The following FSTL4 variants were observed in gnomAD, a reference collection of about 807,000 sequenced individuals.
FSTL4 encodes the protein follistatin like 4.
FSTL4 carries 28 observed loss-of-function variants against 78.2 expected under a neutral mutation model. The ratio of observed to expected loss-of-function variants is 0.36; its 90% CI spans 0.27 to 0.49. FSTL4 has a LOEUF of 0.49. Ranked by LOEUF, FSTL4 falls within the 20% of genes least tolerant of loss-of-function variation. The pLI is 0.98. For synonymous variants in FSTL4, 422 were observed against 440.5 expected (o/e 0.96, Z 0.53); for missense variants, 922 against 1,084.9 (o/e 0.85, Z 2.11).
the FSTL4 span, among the ~76,000 whole-genome samples, chr5:133,748,155 C>T: frequency 6.6e-6 from 1 of 151,546 alleles, no homozygotes; most frequent in African/African-American, 2.4e-5. Flanking sequence ...GATCATGCCA[C>T]TGCACTCCAG....
At chr5:133,693,403 A>T in the FSTL4 span, among the ~76,000 whole-genome samples, 3 of 152,164 alleles carry the variant, frequency 2.0e-5, no homozygotes, top group African/African-American at 7.2e-5. Context: ...AATTTTTTGC[A>T]TCCTCCCAAA....
At chr5:133,757,203 T>C in the FSTL4 span, among the ~76,000 whole-genome samples, 1 of 152,240 alleles carries the variant, frequency 6.6e-6, no homozygotes, top group African/African-American at 2.4e-5. Context: ...TATTTTCTAG[T>C]AACCACATTA....
At chr5:133,659,526 G>C in the FSTL4 span, among the ~76,000 whole-genome samples, 3 of 151,534 alleles carry the variant, frequency 2.0e-5, no homozygotes, top group Non-Finnish European at 4.4e-5. Flanking sequence ...TTCACTTAGA[G>C]AGTCATTATA....
rs910549146 is a variant in FSTL4 at position 133,338,949 on chromosome 5, C to T, written c.410-22297G>A. ...CACCCCCGGATGACCACTATGCCTC[C>T]GATCATGTCCCCACCAATCCTCCCC... On this transcript the variant is annotated intron_variant, in intron 4 of 15. Transcript: ENST00000265342. This position sits in a 1 kb window ranked among gnomAD's most constrained non-coding sequence, Gnocchi z 4.0. 1.2e-4 allele frequency among the ~76,000 whole-genome samples: 19 copies of T among 152,090 alleles called. No homozygotes were observed. The highest frequency in any genetic ancestry group is 3.6e-4 in the African/African-American group (15 of 41,404).
At chr5:133,466,025 T>G (rs1484876430) in intron 3 of FSTL4, among the ~76,000 whole-genome samples, 1 of 152,182 alleles carries the variant, frequency 6.6e-6, no homozygotes, top group African/African-American at 2.4e-5. Context: ...AAGGAATAAT[T>G]TGTGCCCCTC....
chr5:133,648,957 T>C, the FSTL4 span, among the ~76,000 whole-genome samples: 23 of 152,324 alleles, frequency 1.5e-4, no homozygotes, highest in African/African-American at 5.5e-4. Flanking sequence ...AAATGACATG[T>C]ATCCACTATT....
the FSTL4 span, among the ~76,000 whole-genome samples, chr5:133,783,169 C>T: frequency 6.6e-6 from 1 of 152,190 alleles, no homozygotes; most frequent in South Asian, 2.1e-4. Context: ...CTCCCCACCA[C>T]AAGCCTTCCA....
intron 3 of FSTL4, among the ~76,000 whole-genome samples, chr5:133,527,627 T>C (rs888055926): frequency 6.6e-6 from 1 of 152,222 alleles, no homozygotes; most frequent in Non-Finnish European, 1.5e-5. Flanking sequence ...AATTATAAAC[T>C]GAACAGCTGA....
In FSTL4 at chr5:133,392,059, A is replaced by G. The variant is rs113249267; in HGVS notation, c.409+8679T>C. Among the ~76,000 whole-genome samples, 116 of 152,308 alleles carry G rather than the reference A, an allele frequency of 7.6e-4. 1 individual carries two copies. Among genetic ancestry groups the G allele is most frequent in the African/African-American group, 2.7e-3 (111 of 41,570 alleles). ...AGAAGGGTTCGAGCAGGACAGCACC[A>G]TGGTCAAAGTTCCATCTTGGAAAGC... On this transcript the variant is annotated intron_variant, in intron 4 of 15. Transcript: ENST00000265342.
chr5:133,458,733 G>A (rs866592498), intron 3 of FSTL4, among the ~76,000 whole-genome samples: 9 of 152,248 alleles, frequency 5.9e-5, no homozygotes, highest in Non-Finnish European at 1.2e-4. Flanking sequence ...ACAAGCACTG[G>A]CATCACTGTT....
chr5:133,375,291 C>CATATATATATGTATGTGTGTAT (rs67110507), intron 4 of FSTL4, among the ~76,000 whole-genome samples: 1 of 57,918 alleles, frequency 1.7e-5, no homozygotes, highest in African/African-American at 4.4e-5. Flanking sequence ...GTGTGCATGG[C>CATATATATATGTATGTGTGTAT]ATATATATAT....
chr5:133,730,337 C>G, the FSTL4 span, among the ~76,000 whole-genome samples: 1 of 152,222 alleles, frequency 6.6e-6, no homozygotes, highest in Non-Finnish European at 1.5e-5. Flanking sequence ...TTTCTTCTCA[C>G]TGTGTCTTAT....
the FSTL4 span, among the ~76,000 whole-genome samples, chr5:133,760,847 G>A: frequency 1.3e-5 from 2 of 152,188 alleles, no homozygotes; most frequent in Non-Finnish European, 2.9e-5. Flanking sequence ...GTGGCTTGGT[G>A]TGTTAGCAAA....
chr5:133,766,087 C>A, the FSTL4 span, among the ~76,000 whole-genome samples: 31 of 152,284 alleles, frequency 2.0e-4, no homozygotes, highest in Non-Finnish European at 3.8e-4. Context: ...AGGTGCCAGG[C>A]AGAGTGTAGG....
chr5:133,524,568 C>T (rs1485664878), intron 3 of FSTL4, among the ~76,000 whole-genome samples: 2 of 152,232 alleles, frequency 1.3e-5, no homozygotes, highest in Non-Finnish European at 2.9e-5. Flanking sequence ...GAGAAGCCTG[C>T]TGTAGACAGG....
the FSTL4 span, among the ~76,000 whole-genome samples, chr5:133,622,907 T>G: frequency 6.6e-6 from 1 of 152,166 alleles, no homozygotes; most frequent in East Asian, 1.9e-4. Context: ...TTAATTTTGA[T>G]GCAGTCAGAC....
chr5:133,367,445 G>A (rs1414357836), intron 4 of FSTL4, among the ~76,000 whole-genome samples: 1 of 152,218 alleles, frequency 6.6e-6, no homozygotes, highest in East Asian at 1.9e-4. Flanking sequence ...ATTCTCAGAA[G>A]TTTTCTAGGA....
chr5:133,260,199 TC>T (rs2126834290), intron 6 of FSTL4, among the ~76,000 whole-genome samples: 1 of 152,268 alleles, frequency 6.6e-6, no homozygotes, highest in South Asian at 2.1e-4. Flanking sequence ...ACACAGAGCC[TC>T]CCCTACTGCA....
intron 3 of FSTL4, among the ~76,000 whole-genome samples, chr5:133,404,080 C>T (rs553995727): frequency 1.3e-4 from 20 of 152,280 alleles, no homozygotes; most frequent in African/African-American, 3.9e-4. Flanking sequence ...AATTGGCTGT[C>T]GGCAAATATT....
Sources: allele counts gnomAD v4.1 joint callset (sites outside exome capture counted in the v4.1 genomes callset), GRCh38; gene constraint gnomAD v4.1.1; non-coding constraint Gnocchi (gnomAD v3.1); transcripts MANE v1.5; gene names NCBI Gene and HGNC (gene_info 2026-07-23, HGNC 2026-07-21).